The following URI1 variants were observed in gnomAD, a reference collection of about 807,000 sequenced individuals.
The protein encoded by URI1 is URI1 prefoldin like chaperone, also known as unconventional prefoldin RPB5 interactor 1.
A neutral mutation model predicts 60.2 loss-of-function variants in URI1; 39 were observed. That is an observed-to-expected ratio of 0.65 (90% CI 0.50 to 0.85). The LOEUF (loss-of-function observed/expected upper bound fraction) is 0.85. Ranked by LOEUF, URI1 falls within the 40% of genes least tolerant of loss-of-function variation. The pLI, the probability that URI1 is intolerant of heterozygous loss-of-function variation, is 0.00. For missense variants in URI1, 691 were observed against 665.9 expected (o/e 1.04, Z -0.42); for synonymous variants, 251 against 236.8 (o/e 1.06, Z -0.55).
chr19:29,971,637 T>C (rs1331492458), intron 2 of URI1, among the ~76,000 whole-genome samples: 1 of 151,020 alleles, frequency 6.6e-6, no homozygotes, highest in African/African-American at 2.4e-5. Flanking sequence ...TTCCCAAAGT[T>C]TGAAAAAAAA....
At chr19:29,946,338 G>A (rs2055102801) in intron 1 of URI1, among the ~76,000 whole-genome samples, 1 of 152,116 alleles carries the variant, frequency 6.6e-6, no homozygotes. Context: ...ATTGCATTAT[G>A]TTGAAATTTT....
Position 29,942,454 on chromosome 19 carries a change from G to T in URI1, c.-94G>T, listed in dbSNP as rs1016354385. The T allele has an allele frequency of 2.8e-5, 28 of 1,012,186 alleles. No individual in the cohort carries two copies. The highest frequency in any genetic ancestry group is 3.3e-5 in the Non-Finnish European group (28 of 847,986). The allele number at this position is 1,012,186 out of a possible 1,614,324, so 62.7% of individuals were successfully genotyped here. A position where few individuals can be genotyped will look rare whatever the true frequency, so the allele number is the denominator to read the frequency against. On this transcript the variant is annotated 5_prime_UTR_variant, in exon 1 of 11. Coordinates refer to ENST00000392271, the MANE Select transcript of URI1 (RefSeq NM_003796.3). ...GGCGCGGGGCGCGCGGTGCCTGAGG[G>T]CGGGCGCGCGGGCGCTGGGCAACTG...
chr19:30,006,720 C>T (rs575215079), intron 6 of URI1, among the ~76,000 whole-genome samples: 13 of 152,134 alleles, frequency 8.5e-5, no homozygotes, highest in South Asian at 8.3e-4. Flanking sequence ...CATAACAGGA[C>T]GCATCTTAGA....
intron 1 of URI1, among the ~76,000 whole-genome samples, chr19:29,949,783 G>A (rs951273248): frequency 2.2e-4 from 33 of 151,844 alleles, no homozygotes; most frequent in Non-Finnish European, 4.0e-4. Flanking sequence ...GGCGGCGCGC[G>A]CCTGCAATCC....
upstream of URI1, among the ~76,000 whole-genome samples, chr19:29,941,382 C>G (rs569675197): frequency 6.6e-6 from 1 of 152,132 alleles, no homozygotes; most frequent in South Asian, 2.1e-4. Context: ...GAATCCAAGA[C>G]AGGAGGTTAG....
chr19:29,935,661 A>C (rs1289442252), intron 1 of URI1, among the ~76,000 whole-genome samples: 1 of 148,418 alleles, frequency 6.7e-6, no homozygotes. Flanking sequence ...TTTATTCCTG[A>C]AGGATAGTTT....
intron 4 of URI1, among the ~76,000 whole-genome samples, chr19:29,993,532 G>A (rs1414522984): frequency 6.6e-6 from 1 of 151,984 alleles, no homozygotes; most frequent in Non-Finnish European, 1.5e-5. Context: ...TCTTGATTTA[G>A]GAATACATTT....
At chr19:29,985,925 A>G (rs2055662779) in intron 3 of URI1, among the ~76,000 whole-genome samples, 1 of 152,190 alleles carries the variant, frequency 6.6e-6, no homozygotes, top group Non-Finnish European at 1.5e-5. Flanking sequence ...TTTCTTTATC[A>G]AAAGTATTTT....
At chr19:29,975,360 A>T (rs935100971) in intron 2 of URI1, among the ~76,000 whole-genome samples, 4 of 150,032 alleles carry the variant, frequency 2.7e-5, no homozygotes, top group Admixed American at 1.3e-4. Flanking sequence ...GAAAGACTAT[A>T]TATTAACTTT....
In URI1 at chr19:30,012,486, A is replaced by C. The variant is rs1189233413; in HGVS notation, c.1380A>C (p.Pro460=). 3.1e-6 allele frequency: 5 copies of C among 1,614,246 alleles called. No individual in the cohort carries two copies. The East Asian group carries it at 1.1e-4, about 36-fold the overall frequency. Reference sequence around the variant, plus strand: ...GTGAGAGCATTTTGGAAGAGGAACCACAAGAAAATCAAAAGAAACTTTTGC... The same window carrying C: ...GTGAGAGCATTTTGGAAGAGGAACCCCAAGAAAATCAAAAGAAACTTTTGC... ...DTSESILEEE[P]QENQKKLLPL... The change falls in exon 10 of 11, where the codon CCA becomes CCC. Residue 460 remains proline (P), a synonymous_variant. Transcript: ENST00000392271.
chr19:29,974,894 C>T (rs1166820439), intron 2 of URI1, among the ~76,000 whole-genome samples: 1 of 152,176 alleles, frequency 6.6e-6, no homozygotes, highest in Non-Finnish European at 1.5e-5. Flanking sequence ...CCTGCTGCAT[C>T]CATGTTACTG....
At chr19:29,931,537 G>C (rs2054917405) in intron 1 of URI1, among the ~76,000 whole-genome samples, 2 of 152,258 alleles carry the variant, frequency 1.3e-5, no homozygotes, top group South Asian at 4.2e-4. Flanking sequence ...CCTATCTTCA[G>C]AAACAGTCCC....
intron 1 of URI1, among the ~76,000 whole-genome samples, chr19:29,970,651 C>T (rs2055447606): frequency 6.6e-6 from 1 of 151,958 alleles, no homozygotes. Flanking sequence ...CAGAGCATCT[C>T]CTTATCCCAA....
At chr19:29,958,454 G>A (rs10417821) in intron 1 of URI1, among the ~76,000 whole-genome samples, 2,473 of 152,092 alleles carry the variant, frequency 0.016, 72 homozygotes, top group African/African-American at 0.057. Context: ...TATTTTCTAT[G>A]TTTCTTGAGA....
intron 1 of URI1, among the ~76,000 whole-genome samples, chr19:29,943,791 C>T (rs1422719214): frequency 6.6e-6 from 1 of 151,800 alleles, no homozygotes; most frequent in African/African-American, 2.4e-5. Context: ...CCATTTTTCT[C>T]TAATAACGCA....
intron 2 of URI1, chr19:29,983,151 G>T (rs951443941): frequency 2.6e-5 from 4 of 152,058 alleles, no homozygotes; most frequent in African/African-American, 9.6e-5. Context: ...GATTTTTTTT[G>T]GGGAAAGTTA....
chr19:29,956,870 T>G, intron 1 of URI1: 1 of 1,494,410 alleles, frequency 6.7e-7, no homozygotes, highest in Non-Finnish European at 9.3e-7. Context: ...TACGTTGATG[T>G]GATTGAAGTC....
chr19:29,984,871 T>C (rs1262584949), intron 2 of URI1, among the ~76,000 whole-genome samples: 1 of 151,994 alleles, frequency 6.6e-6, no homozygotes, highest in Middle Eastern at 3.4e-3. Context: ...CCTGTAACTC[T>C]AGCACTTCAG....
rs1007242200 is a variant in URI1 at position 30,015,741 on chromosome 19, C to G, written c.*672C>G. The G allele has an allele frequency of 6.0e-6, 4 of 670,006 alleles. No individual in the cohort carries two copies. In the African/African-American group the frequency reaches 7.3e-5, roughly 12 times the overall value. 41.5% of individuals were successfully genotyped at this position (670,006 alleles called of 1,614,324 possible). A position where few individuals can be genotyped will look rare whatever the true frequency, so the allele number is the denominator to read the frequency against. On this transcript the variant is annotated 3_prime_UTR_variant, in exon 11 of 11. Transcript: ENST00000392271. ...GAACTTTATGATTCAAAATTGAGTA[C>G]AGATATGTCCTTGATTCATATGTAT... is the stretch of plus-strand genomic sequence containing the variant.
Sources: gnomAD v4.1 joint callset for allele counts (sites outside exome capture counted in the v4.1 genomes callset) on GRCh38, gnomAD v4.1.1 for gene constraint, MANE v1.5 for transcripts, NCBI Gene and HGNC (gene_info 2026-07-23, HGNC 2026-07-21) for gene names.